Variants in LCMT1 observed in about 807,000 individuals in gnomAD.
The protein encoded by LCMT1 is [Phosphatase 2A protein]-leucine-carboxy methyltransferase 1.
LCMT1 carries 32 observed loss-of-function variants against 47.7 expected under a neutral mutation model. The observed-to-expected ratio is 0.67, with a 90% CI of 0.51 to 0.90. LCMT1 has a LOEUF of 0.90. LCMT1 is among the 40% of genes least tolerant of loss of function. The probability of loss-of-function intolerance (pLI) is 0.00; values close to 1 mark genes in which losing one functional copy is unlikely to be tolerated. For missense variants in LCMT1, 375 were observed against 415.2 expected (o/e 0.90, Z 0.84); for synonymous variants, 152 against 149.7 (o/e 1.02, Z -0.11).
rs546977736 is a variant in LCMT1 at position 25,140,445 on chromosome 16, T to C, written c.404+198T>C. On this transcript the variant is annotated intron_variant, in intron 4 of 10. Transcript: ENST00000399069. ...CAAAATGCAATATACATTTCCTTATTACAGATCACAGGCTCTATGGCTCCC... is the reference window on the plus strand; with the variant it reads ...CAAAATGCAATATACATTTCCTTATCACAGATCACAGGCTCTATGGCTCCC... 5 of 569,130 alleles carry C rather than the reference T, an allele frequency of 8.8e-6. No individual in the cohort carries two copies. The East Asian group carries it at 1.1e-4, about 13-fold the overall frequency. The allele number at this position is 569,130 out of a possible 1,614,324, so 35.3% of individuals were successfully genotyped here.
intron 6 of LCMT1, 26 bp from the exon 7 acceptor site, chr16:25,164,572 T>C (rs1961529836): frequency 1.9e-6 from 3 of 1,613,854 alleles, no homozygotes; most frequent in Admixed American, 1.7e-5. Flanking sequence ...AACAAATTTA[T>C]GTGCCTTTTT....
intron 4 of LCMT1, chr16:25,147,723 A>T (rs1597585773): frequency 6.6e-6 from 1 of 151,390 alleles, no homozygotes; most frequent in African/African-American, 2.4e-5. Flanking sequence ...GCAGGGTCTC[A>T]CTCCATTGCC....
intron 10 of LCMT1, 79 bp from the exon 11 acceptor site, chr16:25,177,922 G>A (rs373761426): frequency 3.2e-5 from 41 of 1,269,590 alleles, no homozygotes; most frequent in Admixed American, 5.1e-5. Context: ...CCCCTGAGCC[G>A]GTCACTGGGG....
chr16:25,170,914 A>T, intron 9 of LCMT1, 109 bp downstream of exon 9: 1 of 721,150 alleles, frequency 1.4e-6, no homozygotes. Flanking sequence ...AGATTTCATT[A>T]AAAAACAAAA....
chr16:25,116,652 A>G (rs1395925060), intron 1 of LCMT1, among the ~76,000 whole-genome samples: 1 of 151,338 alleles, frequency 6.6e-6, no homozygotes, highest in Non-Finnish European at 1.5e-5. Flanking sequence ...TGGAGAAGCC[A>G]AGCGGATCAC....
intron 1 of LCMT1, among the ~76,000 whole-genome samples, chr16:25,119,741 T>C (rs1482848293): frequency 6.6e-6 from 1 of 152,170 alleles, no homozygotes; most frequent in East Asian, 1.9e-4. Context: ...TTCTTAGCTA[T>C]GCCCCAGAGA....
At chr16:25,120,798 A>G (rs1597559247) in intron 1 of LCMT1, among the ~76,000 whole-genome samples, 1 of 127,356 alleles carries the variant, frequency 7.9e-6, no homozygotes, top group Admixed American at 9.3e-5. Context: ...CCCAGGGTGG[A>G]GGGCAGTGGT....
intron 2 of LCMT1, 138 bp downstream of exon 2, chr16:25,128,704 C>T (rs1300741195): frequency 3.4e-5 from 22 of 652,338 alleles, no homozygotes; most frequent in South Asian, 5.6e-5. Context: ...TTCACCAACA[C>T]GGTGTGTTAT....
chr16:25,168,649 T>C (rs1275552475), intron 7 of LCMT1, among the ~76,000 whole-genome samples: 1 of 152,180 alleles, frequency 6.6e-6, no homozygotes, highest in East Asian at 1.9e-4. Context: ...GCTCATACTA[T>C]CCATATTCCT....
intron 1 of LCMT1, among the ~76,000 whole-genome samples, chr16:25,124,650 C>T (rs1960104173): frequency 6.6e-6 from 1 of 152,200 alleles, no homozygotes; most frequent in South Asian, 2.1e-4. Context: ...CCTTTTCATT[C>T]TTTGATGCCT....
In LCMT1 at chr16:25,114,409, T is replaced by G. The variant is rs189969195; in HGVS notation, c.113+2413T>G. Among the ~76,000 whole-genome samples, 231 of 152,334 alleles carry G rather than the reference T, an allele frequency of 1.5e-3. 2 individuals carry two copies. The highest frequency in any genetic ancestry group is 5.4e-3 in the African/African-American group (226 of 41,566). ...CAAATCATTATCATCATTGTGATCC[T>G]GGACTTGTGGTATCAGAAGTTTTCT... is the stretch of plus-strand genomic sequence containing the variant. On this transcript the variant is annotated intron_variant, in intron 1 of 10. Coordinates refer to ENST00000399069, the MANE Select transcript of LCMT1 (RefSeq NM_016309.3).
At chr16:25,123,223 C>CTTTT (rs750991801) in intron 1 of LCMT1, among the ~76,000 whole-genome samples, 192 of 116,128 alleles carry the variant, frequency 1.7e-3, no homozygotes, top group Middle Eastern at 6.1e-3. Flanking sequence ...TATATAACTT[C>CTTTT]TTTTTTTTTT....
Position 25,111,845 on chromosome 16 carries a change from T to C in LCMT1, c.-39T>C, listed in dbSNP as rs903469717. On this transcript the variant is annotated 5_prime_UTR_variant, in exon 1 of 11. The change abolishes an upstream ATG in the 5' untranslated region. Coordinates refer to ENST00000399069, the MANE Select transcript of LCMT1 (RefSeq NM_016309.3). ...CCGCCGCCCGTCGACCCCGCTTCCA[T>C]GTCCCTGGCGGACACAGCTCCCAGG... The C allele has an allele frequency of 1.8e-5, 26 of 1,431,916 alleles. No homozygotes were observed. The Admixed American group carries it at 3.2e-4, about 17-fold the overall frequency. 88.7% of individuals were successfully genotyped at this position (1,431,916 alleles called of 1,614,324 possible). A position where few individuals can be genotyped will look rare whatever the true frequency, so the allele number is the denominator to read the frequency against.
intron 3 of LCMT1, among the ~76,000 whole-genome samples, chr16:25,133,006 C>T (rs1412276569): frequency 2.0e-5 from 3 of 152,002 alleles, no homozygotes; most frequent in African/African-American, 4.8e-5. Flanking sequence ...CACAGGCATG[C>T]GCCACCACAT....
chr16:25,132,620 C>T lies in LCMT1; in HGVS notation c.327+97C>T, dbSNP rs1960385627. 4 of 1,344,364 alleles carry T rather than the reference C, an allele frequency of 3.0e-6. No individual in the cohort carries two copies. The African/African-American group carries it at 5.8e-5, about 19-fold the overall frequency. The allele number at this position is 1,344,364 out of a possible 1,614,324, so 83.3% of individuals were successfully genotyped here. ...ATGTAAACATATATTAAAAGTTATG[C>T]AGCGAAAGCCTGTCTCCCACCCCTG... On this transcript the variant is annotated intron_variant, in intron 3 of 10. Coordinates refer to ENST00000399069, the MANE Select transcript of LCMT1 (RefSeq NM_016309.3).
chr16:25,173,760 G>A (rs1229477068), intron 9 of LCMT1, among the ~76,000 whole-genome samples: 1 of 151,800 alleles, frequency 6.6e-6, no homozygotes, highest in Non-Finnish European at 1.5e-5. Context: ...GCCTAGGCTG[G>A]TCTCAAACTC....
chr16:25,160,659 A>G (rs1961397859), intron 5 of LCMT1: 3 of 461,438 alleles, frequency 6.5e-6, no homozygotes, highest in Admixed American at 2.3e-5. Flanking sequence ...TAGAAATACC[A>G]TGTCTCATAG....
At position 25,140,957 on chromosome 16, in the gene LCMT1, T is replaced by G. The variant is rs1025572790; in HGVS notation, c.404+710T>G. ...CCTGAGAGATTTCACCCTCTATTCT[T>G]AAGGAGAAAGGGCTGAAGATCTCAT... is the stretch of plus-strand genomic sequence containing the variant. On this transcript the variant is annotated intron_variant, in intron 4 of 10. Transcript: ENST00000399069. 4.6e-5 allele frequency: 7 copies of G among 151,762 alleles called. No homozygotes were observed. In the East Asian group the frequency reaches 1.2e-3, roughly 25 times the overall value. The allele number at this position is 151,762 out of a possible 1,614,324, so 9.4% of individuals were successfully genotyped here. A position where few individuals can be genotyped will look rare whatever the true frequency, so the allele number is the denominator to read the frequency against.
intron 1 of LCMT1, among the ~76,000 whole-genome samples, chr16:25,115,681 G>GT (rs1360331666): frequency 1.3e-5 from 2 of 150,882 alleles, no homozygotes; most frequent in Non-Finnish European, 1.5e-5. Context: ...CAGAAACTTT[G>GT]TTTGTTTTGT....
Sources: allele counts gnomAD v4.1 joint callset (sites outside exome capture counted in the v4.1 genomes callset), GRCh38; gene constraint gnomAD v4.1.1; transcripts MANE v1.5; gene names NCBI Gene and HGNC (gene_info 2026-07-23, HGNC 2026-07-21).